MIGA1: variants seen among roughly 807,000 people sequenced by gnomAD.
The protein encoded by MIGA1 is mitoguardin 1, also known as family with sequence similarity 73, member A.
MIGA1 carries 58 observed loss-of-function variants against 82.0 expected under a neutral mutation model. The ratio of observed to expected loss-of-function variants is 0.71; its 90% CI spans 0.57 to 0.88. MIGA1 has a LOEUF of 0.88. Ranked by LOEUF, MIGA1 falls within the 40% of genes least tolerant of loss-of-function variation. The probability of loss-of-function intolerance (pLI) is 0.00; values close to 1 mark genes in which losing one functional copy is unlikely to be tolerated. For missense variants in MIGA1, 751 were observed against 749.1 expected (o/e 1.00, Z -0.03); for synonymous variants, 249 against 253.6 (o/e 0.98, Z 0.17).
chr1:77,811,384 T>C lies in MIGA1; in HGVS notation c.638-2350T>C, dbSNP rs970070249. ...TCCAGCACCACCCTCTTCTTCATCT[T>C]CTTCAAATTCCAAATTCTCTTCTTC... On this transcript the variant is annotated intron_variant, in intron 5 of 15. Transcript: ENST00000370791. 6 of 1,605,578 alleles carry C rather than the reference T, an allele frequency of 3.7e-6. No individual in the cohort carries two copies. In the African/African-American group the frequency reaches 8.0e-5, roughly 21 times the overall value.
At chr1:77,816,825 C>T (rs373282320) in intron 7 of MIGA1, among the ~76,000 whole-genome samples, 8 of 151,306 alleles carry the variant, frequency 5.3e-5, no homozygotes, top group African/African-American at 9.7e-5. Context: ...GAGAAAGAAC[C>T]GAGAAAAGAA....
intron 2 of MIGA1, among the ~76,000 whole-genome samples, chr1:77,793,716 C>T (rs1682531347): frequency 6.6e-6 from 1 of 150,640 alleles, no homozygotes; most frequent in Non-Finnish European, 1.5e-5. Flanking sequence ...CTGCCCACCT[C>T]AGCCTCCCAA....
chr1:77,873,254 C>T, intron 15 of MIGA1, 134 bp downstream of exon 15: 1 of 874,670 alleles, frequency 1.1e-6, no homozygotes, highest in Non-Finnish European at 1.7e-6. Flanking sequence ...CACCTAAATT[C>T]AGCATTTAAA....
intron 4 of MIGA1, 73 bp from the exon 5 acceptor site, chr1:77,806,902 T>A (rs980978448): frequency 5.7e-5 from 64 of 1,127,058 alleles, no homozygotes; most frequent in Non-Finnish European, 7.6e-5. Context: ...TAAAAATAAT[T>A]TGTAAATATG....
Position 77,861,269 on chromosome 1 carries a change from T to G in MIGA1, c.1321T>G (p.Leu441Val). The G allele has an allele frequency of 6.2e-7, 1 of 1,613,800 alleles. No homozygotes were observed. Among genetic ancestry groups the G allele is most frequent in the South Asian group, 1.1e-5 (1 of 90,988 alleles). The change falls in exon 12 of 16, where the codon TTA (leucine) becomes GTA (valine). Residue 441 changes from leucine (L) to valine (V), a missense_variant. Leu to Val is a conservative substitution (Grantham distance 32, BLOSUM62 1). Transcript: ENST00000370791. ...TGTTTTTGATGAAATGATCTATTTT[T>G]TAGAGCAGACCGATCACTGGGGTAG...
chr1:77,864,150 C>G (rs1418133836), intron 13 of MIGA1, 122 bp downstream of exon 13: 27 of 974,030 alleles, frequency 2.8e-5, no homozygotes, highest in Non-Finnish European at 4.0e-5. Flanking sequence ...CACCTGAGGT[C>G]AGGAGTTTGA....
At chr1:77,801,277 T>C in intron 2 of MIGA1, 54 bp from the exon 3 acceptor site, 3 of 1,373,786 alleles carry the variant, frequency 2.2e-6, no homozygotes, top group Non-Finnish European at 2.9e-6. Context: ...AGGTCCTTCT[T>C]TTAAGTGAAC....
rs1275027740 is a variant in MIGA1 at position 77,869,729 on chromosome 1, G to A, written c.1564-3275G>A. On this transcript the variant is annotated intron_variant, in intron 14 of 15. Transcript: ENST00000370791. ...CCCCCACCTCCCTCCCGGACAGGGC[G>A]GCTGGCCGACCCCCCCCCCGCCTGC... Among the ~76,000 whole-genome samples, 390 of 104,262 alleles carry A rather than the reference G, an allele frequency of 3.7e-3. 35 individuals carry two copies. Among genetic ancestry groups the A allele is most frequent in the African/African-American group, 0.016 (370 of 23,562 alleles). 68.4% of individuals were successfully genotyped at this position (104,262 alleles called of 152,430 possible).
chr1:77,806,944 T>A, intron 4 of MIGA1, 31 bp from the exon 5 acceptor site: 1 of 1,557,528 alleles, frequency 6.4e-7, no homozygotes, highest in Non-Finnish European at 8.8e-7. Context: ...TGAGAGAGAT[T>A]TGAAGTAACT....
chr1:77,868,715 A>T (rs190246110), intron 14 of MIGA1: 1 of 152,292 alleles, frequency 6.6e-6, no homozygotes, highest in African/African-American at 2.4e-5. Flanking sequence ...CTCTGAATTC[A>T]TAATACACTT....
chr1:77,853,287 T>C (rs1685123741), intron 8 of MIGA1: 2 of 152,298 alleles, frequency 1.3e-5, no homozygotes, highest in Non-Finnish European at 2.9e-5. Context: ...TTTAATTTGC[T>C]CTCTTCCTTT....
intron 2 of MIGA1, among the ~76,000 whole-genome samples, chr1:77,794,567 TACTGGTG>T (rs1682574850): frequency 6.6e-6 from 1 of 152,236 alleles, no homozygotes; most frequent in African/African-American, 2.4e-5. Flanking sequence ...TGTGCCTTGT[TACTGGTG>T]ATAGTAGCTT....
chr1:77,828,262 G>A (rs1194181461), intron 7 of MIGA1, among the ~76,000 whole-genome samples: 1 of 152,104 alleles, frequency 6.6e-6, no homozygotes, highest in Non-Finnish European at 1.5e-5. Flanking sequence ...GATAGTAGTA[G>A]GTCTGTGGGT....
chr1:77,828,746 TA>T (rs1336484970), intron 7 of MIGA1, among the ~76,000 whole-genome samples: 12 of 152,124 alleles, frequency 7.9e-5, no homozygotes, highest in Admixed American at 2.0e-4. Context: ...GACCATAGCT[TA>T]CTATAGCCTT....
intron 2 of MIGA1, among the ~76,000 whole-genome samples, chr1:77,785,388 G>T (rs972148053): frequency 9.2e-5 from 14 of 151,612 alleles, no homozygotes; most frequent in African/African-American, 3.4e-4. Flanking sequence ...TTGTTGCCCA[G>T]GCTGAAGTGC....
intron 1 of MIGA1, chr1:77,782,809 C>T (rs1346215242): frequency 3.1e-5 from 29 of 939,890 alleles, no homozygotes; most frequent in Non-Finnish European, 3.7e-5. Context: ...GATTCTGTTC[C>T]AGATTCCATT....
At chr1:77,861,078 A>G in intron 11 of MIGA1, 146 bp from the exon 12 acceptor site, 1 of 566,252 alleles carries the variant, frequency 1.8e-6, no homozygotes, top group Non-Finnish European at 3.1e-6. Flanking sequence ...AAAGTAGTAA[A>G]CCAGATAAAT....
intron 5 of MIGA1, 39 bp from the exon 6 acceptor site, chr1:77,813,695 A>T (rs757438495): frequency 1.2e-6 from 2 of 1,602,726 alleles, no homozygotes; most frequent in Non-Finnish European, 8.5e-7. Context: ...TTTGGCATTG[A>T]TTTTGCTCAG....
In MIGA1 at chr1:77,863,903, C is replaced by G. The variant is rs752640266; in HGVS notation, c.1384C>G (p.Leu462Val). 6.4e-7 allele frequency: 1 copy of G among 1,555,008 alleles called. No individual in the cohort carries two copies. The change falls in exon 13 of 16, where the codon CTA (leucine) becomes GTA (valine). Residue 462 changes from leucine (L) to valine (V), a missense_variant. By Grantham distance (32) the Leu-to-Val change is conservative (BLOSUM62 1). Around this residue, in one of 3 missense-constraint regions of MIGA1, gnomAD observed 265 missense variants for 293.6 expected, o/e 0.90. Transcript: ENST00000370791. ...TCATAATTTAATGCAGGTGAAAAAT[C>G]TAAATTTTTATGATGTTGTTCTGGA... is the stretch of plus-strand genomic sequence containing the variant.
Sources: allele counts gnomAD v4.1 joint callset (sites outside exome capture counted in the v4.1 genomes callset), GRCh38; gene constraint gnomAD v4.1.1; regional missense constraint gnomAD v4.1.1; transcripts MANE v1.5; gene names NCBI Gene and HGNC (gene_info 2026-07-23, HGNC 2026-07-21).